Variants in RANBP2 observed in about 807,000 individuals in gnomAD.
RANBP2 encodes the protein E3 SUMO-protein ligase RanBP2.
Under a neutral mutation model 303.6 loss-of-function variants are expected in RANBP2, and 57 were observed. The ratio of observed to expected loss-of-function variants is 0.19; its 90% CI spans 0.15 to 0.23. The LOEUF is 0.23. Ranked by LOEUF, RANBP2 falls within the 10% of genes least tolerant of loss-of-function variation. The pLI, the probability that RANBP2 is intolerant of heterozygous loss-of-function variation, is 1.00. For missense variants in RANBP2, 3,138 were observed against 3,780.8 expected, an observed-to-expected ratio of 0.83 and a Z score of 4.46; for synonymous variants, 1,167 against 1,301.5, an observed-to-expected ratio of 0.90 and a Z score of 2.23.
chr2:109,080,806 T>C, the RANBP2 span, among the ~76,000 whole-genome samples: 500 of 152,324 alleles, frequency 3.3e-3, 7 homozygotes, highest in African/African-American at 0.011. Flanking sequence ...CAGGAAATCA[T>C]TAAACTAGTA....
intron 1 of RANBP2, among the ~76,000 whole-genome samples, chr2:108,720,966 T>C (rs1053055009): frequency 7.9e-5 from 12 of 152,002 alleles, no homozygotes; most frequent in African/African-American, 2.9e-4. Context: ...GGAGAGTCGC[T>C]TGAACCCGGG....
At chr2:109,499,925 G>A in the RANBP2 span, among the ~76,000 whole-genome samples, 1 of 152,208 alleles carries the variant, frequency 6.6e-6, no homozygotes, top group East Asian at 1.9e-4. Context: ...GTGACTGGGG[G>A]TTTCCAAGAG....
chr2:109,139,178 A>G, the RANBP2 span, among the ~76,000 whole-genome samples: 3 of 152,174 alleles, frequency 2.0e-5, no homozygotes. Context: ...ATTGCATCCT[A>G]TTTTCTCTTC....
At position 108,731,206 on chromosome 2, in the gene RANBP2, T is replaced by C. The variant is rs985662194; in HGVS notation, c.253-116T>C. The C allele has an allele frequency of 3.4e-6, 5 of 1,453,564 alleles. No individual in the cohort carries two copies. In the Admixed American group the frequency reaches 1.4e-4, roughly 41 times the overall value. The allele number at this position is 1,453,564 out of a possible 1,614,324, so 90.0% of individuals were successfully genotyped here. ...TGAAGTAACATGTTTTCTCTAGAAGTAGAATTTTTTAAGGGTTGGAGTGAT... is the reference window on the plus strand; with the variant it reads ...TGAAGTAACATGTTTTCTCTAGAAGCAGAATTTTTTAAGGGTTGGAGTGAT... On this transcript the variant is annotated intron_variant, in intron 3 of 28. Coordinates refer to ENST00000283195, the MANE Select transcript of RANBP2 (RefSeq NM_006267.5).
the RANBP2 span, among the ~76,000 whole-genome samples, chr2:109,248,892 G>T: frequency 6.4e-3 from 8 of 1,250 alleles, no homozygotes; most frequent in African/African-American, 7.3e-3. Context: ...GTCCTTTCCT[G>T]TCCTGTCCTG....
At chr2:109,139,849 C>T in the RANBP2 span, among the ~76,000 whole-genome samples, 1 of 152,190 alleles carries the variant, frequency 6.6e-6, no homozygotes, top group South Asian at 2.1e-4. Context: ...CATTGCTTGG[C>T]AGTTTGACAT....
the RANBP2 span, among the ~76,000 whole-genome samples, chr2:109,731,691 C>T: frequency 6.6e-6 from 1 of 152,068 alleles, no homozygotes; most frequent in East Asian, 1.9e-4. Context: ...CTGCGCGCGG[C>T]CACCAGACTG....
At chr2:109,030,962 G>A in the RANBP2 span, among the ~76,000 whole-genome samples, 1 of 152,072 alleles carries the variant, frequency 6.6e-6, no homozygotes, top group Non-Finnish European at 1.5e-5. Context: ...CTCATAACTA[G>A]TACACAGACT....
chr2:109,697,858 GTT>G, the RANBP2 span, among the ~76,000 whole-genome samples: 2 of 127,636 alleles, frequency 1.6e-5, no homozygotes, highest in South Asian at 2.5e-4. Flanking sequence ...TTAGTCTAAA[GTT>G]TTTTTTTTTT....
chr2:108,977,332 G>A, the RANBP2 span, among the ~76,000 whole-genome samples: 1 of 152,108 alleles, frequency 6.6e-6, no homozygotes. Context: ...GCAGTGGCGC[G>A]ATCTCGGCTC....
chr2:109,670,374 G>T, the RANBP2 span, among the ~76,000 whole-genome samples: 2 of 151,400 alleles, frequency 1.3e-5, no homozygotes, highest in African/African-American at 4.9e-5. Context: ...CCCTGGCGGG[G>T]GGCTGGTTGG....
the RANBP2 span, among the ~76,000 whole-genome samples, chr2:108,864,678 C>T: frequency 1.8e-4 from 27 of 152,030 alleles, no homozygotes; most frequent in African/African-American, 6.5e-4. Flanking sequence ...CCTGTAGTCC[C>T]AGCTACTCGG....
At chr2:109,615,483 G>A in the RANBP2 span, 2 of 1,613,620 alleles carry the variant, frequency 1.2e-6, no homozygotes, top group South Asian at 1.1e-5. Context: ...CCAGCTGCCG[G>A]TGAACATCGA....
At chr2:109,244,526 C>T in the RANBP2 span, among the ~76,000 whole-genome samples, 1 of 152,250 alleles carries the variant, frequency 6.6e-6, no homozygotes, top group South Asian at 2.1e-4. Context: ...ATTTATAGGG[C>T]CCTAAGCTGT....
the RANBP2 span, chr2:108,804,973 G>A: frequency 1.3e-6 from 2 of 1,566,426 alleles, no homozygotes; most frequent in South Asian, 2.4e-5. Flanking sequence ...CTCTTTTGAT[G>A]CATTGAAAGA....
chr2:109,653,134 T>A, the RANBP2 span, among the ~76,000 whole-genome samples: 2 of 152,100 alleles, frequency 1.3e-5, no homozygotes, highest in African/African-American at 2.4e-5. Context: ...TTGTGGCTCA[T>A]GCTTGTAATC....
the RANBP2 span, among the ~76,000 whole-genome samples, chr2:109,020,310 C>T: frequency 4.6e-5 from 7 of 152,162 alleles, no homozygotes; most frequent in African/African-American, 1.7e-4. Flanking sequence ...CAAGCCACCA[C>T]AGGCACCTTA....
the RANBP2 span, chr2:109,615,547 A>G: frequency 1.2e-6 from 2 of 1,613,966 alleles, no homozygotes; most frequent in Non-Finnish European, 8.5e-7. Flanking sequence ...ATGCACGGCC[A>G]CGTGGAGGTG....
the RANBP2 span, among the ~76,000 whole-genome samples, chr2:109,043,270 A>G: frequency 3.3e-5 from 5 of 152,342 alleles, no homozygotes; most frequent in South Asian, 8.3e-4. Context: ...TACTTTACGA[A>G]ATTACCTCTG....
Sources: allele counts gnomAD v4.1 joint callset (sites outside exome capture counted in the v4.1 genomes callset), GRCh38; gene constraint gnomAD v4.1.1; transcripts MANE v1.5; gene names NCBI Gene and HGNC (gene_info 2026-07-23, HGNC 2026-07-21).